RYR2: variants seen among roughly 807,000 people sequenced by gnomAD.
RYR2 encodes the protein ryanodine receptor 2, also known as cardiac muscle ryanodine receptor-calcium release channel.
In RYR2, 227 loss-of-function variants were observed where a neutral mutation model predicts 601.1. The ratio of observed to expected loss-of-function variants is 0.38; its 90% CI spans 0.34 to 0.42. The LOEUF (loss-of-function observed/expected upper bound fraction) is 0.42, where lower values mean the gene tolerates loss of function less well. RYR2 is among the 10% of genes least tolerant of loss of function. The pLI is 1.00. For synonymous variants in RYR2, 2,223 were observed against 2,175.1 expected (o/e 1.02, Z -0.61); for missense variants, 4,646 against 6,156.5 (o/e 0.75, Z 8.21).
intron 84 of RYR2, among the ~76,000 whole-genome samples, chr1:237,765,986 G>C (rs764899616): frequency 1.2e-4 from 18 of 152,176 alleles, no homozygotes; most frequent in Non-Finnish European, 2.6e-4. Context: ...GCGGGGCTGG[G>C]GGAGACGTGT....
intron 14 of RYR2, among the ~76,000 whole-genome samples, chr1:237,446,531 T>C (rs766706377): frequency 2.1e-5 from 3 of 141,656 alleles, no homozygotes; most frequent in Non-Finnish European, 1.6e-5. Flanking sequence ...ATTTTTGTAG[T>C]AGTTGAATTG....
chr1:237,627,179 T>C (rs560229429), intron 40 of RYR2, among the ~76,000 whole-genome samples: 25 of 152,380 alleles, frequency 1.6e-4, no homozygotes, highest in African/African-American at 5.8e-4. Context: ...GACTTTTCTA[T>C]TGCTTTTACA....
intron 1 of RYR2, among the ~76,000 whole-genome samples, chr1:237,163,346 CA>C (rs1676248966): frequency 1.3e-5 from 1 of 77,636 alleles, no homozygotes; most frequent in Non-Finnish European, 3.3e-5. Context: ...CGCCCACCCC[CA>C]ACCCCCTACC....
At chr1:237,706,356 G>A (rs1486753764) in intron 67 of RYR2, among the ~76,000 whole-genome samples, 1 of 152,182 alleles carries the variant, frequency 6.6e-6, no homozygotes, top group Non-Finnish European at 1.5e-5. Flanking sequence ...AGAAAGAAGG[G>A]AGTTTTAGGA....
intron 34 of RYR2, among the ~76,000 whole-genome samples, chr1:237,598,274 G>GA (rs1317387703): frequency 6.6e-6 from 1 of 152,108 alleles, no homozygotes; most frequent in Admixed American, 6.5e-5. Flanking sequence ...ATTCAGCAAG[G>GA]AAACAGCAGA....
chr1:237,752,293 C>T (rs1206123915), intron 80 of RYR2, among the ~76,000 whole-genome samples: 1 of 152,072 alleles, frequency 6.6e-6, no homozygotes, highest in Non-Finnish European at 1.5e-5. Context: ...CCTGGGCCTA[C>T]AGGTGCACAC....
At chr1:237,183,514 A>G (rs1406235310) in intron 1 of RYR2, among the ~76,000 whole-genome samples, 2 of 152,258 alleles carry the variant, frequency 1.3e-5, no homozygotes, top group Non-Finnish European at 2.9e-5. Flanking sequence ...AGACACGGGC[A>G]TGGAACCACT....
intron 1 of RYR2, among the ~76,000 whole-genome samples, chr1:237,201,437 G>C (rs140427107): frequency 9.1e-4 from 139 of 152,284 alleles, no homozygotes; most frequent in African/African-American, 3.2e-3. Flanking sequence ...AAATAGCTTT[G>C]TGAGTCTTGC....
At chr1:237,099,851 TCA>T (rs1667889956) in intron 1 of RYR2, among the ~76,000 whole-genome samples, 2 of 151,964 alleles carry the variant, frequency 1.3e-5, no homozygotes, top group African/African-American at 2.4e-5. Flanking sequence ...CTATTTTTTT[TCA>T]CCAATTTACA....
intron 17 of RYR2, among the ~76,000 whole-genome samples, chr1:237,481,493 C>G (rs573096233): frequency 6.6e-6 from 1 of 152,176 alleles, no homozygotes; most frequent in Admixed American, 6.5e-5. Context: ...TCATTCAACT[C>G]TTGCTATTTG....
At chr1:237,413,230 G>A (rs1412705179) in intron 10 of RYR2, among the ~76,000 whole-genome samples, 3 of 152,054 alleles carry the variant, frequency 2.0e-5, no homozygotes, top group African/African-American at 4.8e-5. Flanking sequence ...GAAGTCATCA[G>A]ATTCTCTATA....
At chr1:237,427,286 AGAAAACCTAAAATATGACACAGT>A (rs1416987409) in intron 12 of RYR2, among the ~76,000 whole-genome samples, 1 of 152,228 alleles carries the variant, frequency 6.6e-6, no homozygotes, top group Non-Finnish European at 1.5e-5. Flanking sequence ...GTATGAAAAC[AGAAAACCTAAAATATGACACAGT>A]GAAAACCTAA....
intron 1 of RYR2, among the ~76,000 whole-genome samples, chr1:237,211,262 T>C (rs1287199408): frequency 6.6e-6 from 1 of 152,214 alleles, no homozygotes; most frequent in Non-Finnish European, 1.5e-5. Flanking sequence ...CTCAGGAAGC[T>C]TGTCATAGAC....
chr1:237,738,344 G>T (rs531075220), intron 79 of RYR2, among the ~76,000 whole-genome samples: 1 of 152,134 alleles, frequency 6.6e-6, no homozygotes, highest in East Asian at 1.9e-4. Context: ...AAGTTACTTA[G>T]TCATTTCTAA....
At chr1:237,112,789 A>G (rs1490752210) in intron 1 of RYR2, among the ~76,000 whole-genome samples, 1 of 152,038 alleles carries the variant, frequency 6.6e-6, no homozygotes, top group Non-Finnish European at 1.5e-5. Flanking sequence ...ATTCTTCCTG[A>G]CTTTTAAAAT....
At chr1:237,795,169 G>A in intron 95 of RYR2, 120 bp from the exon 96 acceptor site, 2 of 504,546 alleles carry the variant, frequency 4.0e-6, no homozygotes, top group Non-Finnish European at 7.1e-6. Flanking sequence ...TTCATTGTAA[G>A]TTTACGTGGC....
intron 36 of RYR2, 69 bp from the exon 37 acceptor site, chr1:237,613,970 T>A (rs1678182120): frequency 6.9e-7 from 1 of 1,442,186 alleles, no homozygotes; most frequent in African/African-American, 1.4e-5. Context: ...CATACTGATT[T>A]CTCCTCTGAT....
chr1:237,091,104 G>A (rs74149710), intron 1 of RYR2, among the ~76,000 whole-genome samples: 1,541 of 152,278 alleles, frequency 0.01, 27 homozygotes, highest in African/African-American at 0.035. Flanking sequence ...AACAATATAG[G>A]TTGAATTAGA....
intron 1 of RYR2, among the ~76,000 whole-genome samples, chr1:237,208,026 C>T (rs762352787): frequency 5.4e-4 from 82 of 152,334 alleles, no homozygotes; most frequent in Non-Finnish European, 3.4e-4. Flanking sequence ...CTTTCACCCA[C>T]TGTACCTCCC....
Sources: allele counts gnomAD v4.1 joint callset (sites outside exome capture counted in the v4.1 genomes callset), GRCh38; gene constraint gnomAD v4.1.1; transcripts MANE v1.5; gene names NCBI Gene and HGNC (gene_info 2026-07-23, HGNC 2026-07-21).